SPART: variants seen among roughly 807,000 people sequenced by gnomAD.
The protein encoded by SPART is spastic paraplegia 20 (Troyer syndrome).
In SPART, 35 loss-of-function variants were observed where a neutral mutation model predicts 58.7. The ratio of observed to expected loss-of-function variants is 0.60; its 90% CI spans 0.46 to 0.79. SPART has a LOEUF of 0.79. SPART is among the 30% of genes least tolerant of loss of function. The pLI is 0.00. For synonymous variants in SPART, 284 were observed against 280.7 expected (o/e 1.01, Z -0.12); for missense variants, 730 against 786.1 (o/e 0.93, Z 0.85).
intron 5 of SPART, among the ~76,000 whole-genome samples, chr13:36,319,806 A>G (rs200615530): frequency 0.14 from 17,484 of 123,212 alleles, 1,675 homozygotes; most frequent in East Asian, 0.35. Flanking sequence ...CTGTACTGCC[A>G]CAAAGCTTCT....
At chr13:36,321,798 G>A (rs1357189403) in intron 5 of SPART, among the ~76,000 whole-genome samples, 4 of 152,078 alleles carry the variant, frequency 2.6e-5, no homozygotes, top group African/African-American at 9.7e-5. Context: ...GCACATATAC[G>A]CCCAGATGGC....
rs574049361 is a variant in SPART at position 36,311,289 on chromosome 13, G to A, written c.1733+856C>T. 1.7e-4 allele frequency among the ~76,000 whole-genome samples: 26 copies of A among 152,260 alleles called. 1 individual carries two copies. The South Asian group carries it at 5.4e-3, about 32-fold the overall frequency. On this transcript the variant is annotated intron_variant, in intron 8 of 8. Transcript: ENST00000438666. ...CCACTCTCCAGAGACAGACCTTAAG[G>A]CCAAATAAGAAAGCAATCATAACAC...
At chr13:36,367,332 C>T (rs1886098591) in intron 1 of SPART, among the ~76,000 whole-genome samples, 1 of 152,104 alleles carries the variant, frequency 6.6e-6, no homozygotes, top group Admixed American at 6.5e-5. Context: ...TCATGGCACC[C>T]TGCACTTGCA....
intron 1 of SPART, among the ~76,000 whole-genome samples, chr13:36,362,054 A>G (rs753609082): frequency 5.9e-5 from 9 of 152,202 alleles, no homozygotes; most frequent in Non-Finnish European, 1.3e-4. Flanking sequence ...ACCCCAGGCA[A>G]ACAATACCCA....
chr13:36,349,106 A>G (rs1885312242), upstream of SPART, among the ~76,000 whole-genome samples: 1 of 152,156 alleles, frequency 6.6e-6, no homozygotes, highest in South Asian at 2.1e-4. Flanking sequence ...TCTACTAAAA[A>G]TACAAAATTA....
chr13:36,303,444 T>C lies in SPART; in HGVS notation c.*921A>G, dbSNP rs1233862797. Reference sequence around the variant, plus strand: ...TCATATTCTTTACCCTGATTATGAATAGAACCTTTCCTTTTTAATAACTTG... The same window carrying C: ...TCATATTCTTTACCCTGATTATGAACAGAACCTTTCCTTTTTAATAACTTG... On this transcript the variant is annotated 3_prime_UTR_variant, in exon 9 of 9. Coordinates refer to ENST00000438666, the MANE Select transcript of SPART (RefSeq NM_015087.5). 2 of 152,142 alleles carry C rather than the reference T, an allele frequency of 1.3e-5. No individual in the cohort carries two copies. Among genetic ancestry groups the C allele is most frequent in the Admixed American group, 6.6e-5 (1 of 15,266 alleles). 9.4% of individuals were successfully genotyped at this position (152,142 alleles called of 1,614,324 possible). A position where few individuals can be genotyped will look rare whatever the true frequency, so the allele number is the denominator to read the frequency against.
At chr13:36,338,543 C>T (rs1176831816) in intron 1 of SPART, among the ~76,000 whole-genome samples, 2 of 152,158 alleles carry the variant, frequency 1.3e-5, no homozygotes, top group Non-Finnish European at 2.9e-5. Context: ...TACAAATTAG[C>T]ACCCTCAGAT....
At chr13:36,345,530 G>A (rs1276698551) in intron 1 of SPART, 2 of 152,164 alleles carry the variant, frequency 1.3e-5, no homozygotes, top group Non-Finnish European at 2.9e-5. Flanking sequence ...CCAACCTCGA[G>A]GATCCTCGGT....
intron 1 of SPART, chr13:36,365,547 A>G: frequency 2.3e-6 from 1 of 444,220 alleles, no homozygotes; most frequent in South Asian, 1.7e-5. Context: ...TCTCCTATAA[A>G]CCGCCTATTG....
intron 5 of SPART, among the ~76,000 whole-genome samples, chr13:36,319,481 G>T (rs372487287): frequency 4.3e-4 from 66 of 151,936 alleles, no homozygotes; most frequent in Admixed American, 8.5e-4. Context: ...GTTATCACTC[G>T]CCTGCTACAG....
At chr13:36,323,522 T>C (rs751768290) in intron 5 of SPART, among the ~76,000 whole-genome samples, 2 of 152,230 alleles carry the variant, frequency 1.3e-5, no homozygotes, top group Non-Finnish European at 2.9e-5. Flanking sequence ...TCTTTACTTA[T>C]TCTTTGACAG....
chr13:36,336,930 A>C (rs9566090), intron 1 of SPART, among the ~76,000 whole-genome samples: 35,480 of 152,158 alleles, frequency 0.23, 4,703 homozygotes, highest in East Asian at 0.51. Flanking sequence ...CTATGATTCT[A>C]CATGAATGAA....
At chr13:36,341,271 T>G (rs2137615327) in intron 1 of SPART, among the ~76,000 whole-genome samples, 1 of 152,304 alleles carries the variant, frequency 6.6e-6, no homozygotes, top group Middle Eastern at 3.4e-3. Flanking sequence ...CAAACAGAAC[T>G]GTAATGCAAG....
Position 36,304,092 on chromosome 13 carries a change from T to C in SPART, c.*273A>G, listed in dbSNP as rs1566103138. On this transcript the variant is annotated 3_prime_UTR_variant, in exon 9 of 9. Transcript: ENST00000438666. ...AACAAGGTTTGAACAACACATGTAC[T>C]ATCAGCTTTATTTTACCTGCAAAAA... The C allele has an allele frequency of 2.0e-6, 1 of 499,890 alleles. No individual in the cohort carries two copies. Among genetic ancestry groups the C allele is most frequent in the Non-Finnish European group, 3.6e-6 (1 of 278,766 alleles). 31.0% of individuals were successfully genotyped at this position (499,890 alleles called of 1,614,324 possible).
At chr13:36,348,409 G>T (rs1166470305), upstream of SPART, among the ~76,000 whole-genome samples, 1 of 152,192 alleles carries the variant, frequency 6.6e-6, no homozygotes, top group Non-Finnish European at 1.5e-5. Context: ...AAAGATGAAT[G>T]TGTTTAAAAC....
At chr13:36,327,156 T>C (rs1443251141) in intron 4 of SPART, among the ~76,000 whole-genome samples, 3 of 152,172 alleles carry the variant, frequency 2.0e-5, no homozygotes, top group Non-Finnish European at 4.4e-5. Flanking sequence ...AGAAGGAATA[T>C]ATAAACACAG....
chr13:36,354,013 G>A (rs1885523865), intron 1 of SPART, among the ~76,000 whole-genome samples: 4 of 152,206 alleles, frequency 2.6e-5, no homozygotes, highest in Non-Finnish European at 5.9e-5. Flanking sequence ...ACTTTATGAA[G>A]TAGAGTAACC....
chr13:36,304,592 C>T lies in SPART; in HGVS notation c.1774G>A (p.Asp592Asn). The T allele has an allele frequency of 1.2e-6, 2 of 1,614,080 alleles. No individual in the cohort carries two copies. Among genetic ancestry groups the T allele is most frequent in the South Asian group, 2.2e-5 (2 of 91,078 alleles). The stretch of plus-strand genomic sequence containing the variant: ...GTTACGCCAACATTGACCGCAGAAT[C>T]CACCGCATGGTGGGTAGCTTCTCCT... ...NAGEATHHAV[D>N]SAVNVGVTAY... is the part of the protein sequence containing the mutation. The change falls in exon 9 of 9, where the codon GAT (aspartate) becomes AAT (asparagine). Residue 592 changes from aspartate to asparagine, a missense_variant. By Grantham distance (23) the Asp-to-Asn change is conservative. Transcript: ENST00000438666.
intron 1 of SPART, among the ~76,000 whole-genome samples, chr13:36,351,612 TCTA>T: frequency 6.6e-6 from 1 of 152,242 alleles, no homozygotes. Context: ...GGAAGAAAAA[TCTA>T]CTTGTTAATG....
Sources: gnomAD v4.1 joint callset for allele counts (sites outside exome capture counted in the v4.1 genomes callset) on GRCh38, gnomAD v4.1.1 for gene constraint, MANE v1.5 for transcripts, NCBI Gene and HGNC (gene_info 2026-07-23, HGNC 2026-07-21) for gene names.